Variants in TBATA observed in about 807,000 individuals in gnomAD.
TBATA encodes the protein protein TBATA.
TBATA carries 47 observed loss-of-function variants against 38.7 expected under a neutral mutation model. The ratio of observed to expected loss-of-function variants is 1.21; its 90% CI spans 0.96 to 1.55. The LOEUF is 1.55. Among genes scored for constraint, TBATA ranks in the 40% most tolerant of loss-of-function variants. The pLI, the probability that TBATA is intolerant of heterozygous loss-of-function variation, is 0.00. For synonymous variants in TBATA, 183 were observed against 170.5 expected (o/e 1.07, Z -0.57); for missense variants, 436 against 435.6 (o/e 1.00, Z -0.01).
rs747162561 is a variant in TBATA, at chr10:70,774,301, G to T, written c.832C>A (p.Pro278Thr). Residue 278 changes from proline (P) to threonine (T), a missense_variant, in exon 9 of 11, where the codon CCC (proline) becomes ACC (threonine). Transcript: ENST00000456372. Reference protein sequence around the residue: ...QTAVAQLLPQPLVSIPTEKLL... With the variant: ...QTAVAQLLPQTLVSIPTEKLL... ...TTTTCTGTAGGGATGGAGACTAGGG[G>T]CTGGGGAAGGAGCTGAGCCACTGCT... is the stretch of plus-strand genomic sequence containing the variant. The T allele has an allele frequency of 6.2e-7, 1 of 1,608,906 alleles. No individual in the cohort carries two copies. The highest frequency in any genetic ancestry group is 8.5e-7 in the Non-Finnish European group (1 of 1,178,332).
chr10:70,781,591 A>T (rs1844218273), intron 4 of TBATA, among the ~76,000 whole-genome samples: 1 of 152,144 alleles, frequency 6.6e-6, no homozygotes, highest in Non-Finnish European at 1.5e-5. Context: ...CAGTCAGGGG[A>T]ATCTGTAGGG....
intron 6 of TBATA, 61 bp downstream of exon 6, chr10:70,778,496 C>T (rs1166868475): frequency 2.6e-6 from 4 of 1,536,242 alleles, no homozygotes; most frequent in East Asian, 4.5e-5. Context: ...GAGGGATCTC[C>T]TTACACAGGG....
intron 3 of TBATA, 110 bp downstream of exon 3, chr10:70,783,229 A>T: frequency 7.9e-7 from 1 of 1,270,026 alleles, no homozygotes; most frequent in South Asian, 1.2e-5. Flanking sequence ...AGTAAGAACC[A>T]CCTCTCTTGG....
intron 5 of TBATA, among the ~76,000 whole-genome samples, chr10:70,779,211 G>A (rs761560287): frequency 3.9e-4 from 60 of 152,222 alleles, no homozygotes; most frequent in Non-Finnish European, 5.4e-4. Flanking sequence ...CCTCTGAAAC[G>A]CCAAGCCAGC....
rs998607535 is a variant in TBATA at position 70,779,628 on chromosome 10, T to A, written c.392A>T (p.Asp131Val). The A allele has an allele frequency of 4.6e-6, 7 of 1,524,100 alleles. No homozygotes were observed. The highest frequency in any genetic ancestry group is 6.1e-6 in the Non-Finnish European group (7 of 1,143,928). The allele number at this position is 1,524,100 out of a possible 1,614,324, so 94.4% of individuals were successfully genotyped here. A position where few individuals can be genotyped will look rare whatever the true frequency, so the allele number is the denominator to read the frequency against. The change falls in exon 5 of 11, where the codon GAC becomes GTC. Residue 131 changes from aspartate to valine, a missense_variant. Physicochemically the swap from Asp to Val is radical, Grantham distance 152 (BLOSUM62 -3). Transcript: ENST00000456372. ...CTGGGGGTTCCGATTAGACTGTGGG[T>A]CTCCAATGGGGACAGAGATGGTGGG... ...GIPTISVPIG[D>V]PQSNRNPQLS...
At chr10:70,782,097 G>A in intron 3 of TBATA, 61 bp from the exon 4 acceptor site, 1 of 1,534,260 alleles carries the variant, frequency 6.5e-7, no homozygotes, top group South Asian at 1.1e-5. Flanking sequence ...GCCCACCTGG[G>A]CTCAGAGCTC....
At chr10:70,781,107 G>A (rs543322127) in intron 4 of TBATA, among the ~76,000 whole-genome samples, 1 of 152,190 alleles carries the variant, frequency 6.6e-6, no homozygotes, top group Non-Finnish European at 1.5e-5. Context: ...CTTTACTCCA[G>A]CCAGACCAGC....
At position 70,781,923 on chromosome 10, in the gene TBATA, A is replaced by G. The variant is rs1301190786; in HGVS notation, c.155T>C (p.Ile52Thr). The change falls in exon 4 of 11, where the codon ATC becomes ACC. Residue 52 changes from isoleucine to threonine, a missense_variant. Transcript: ENST00000456372. ...CTTTGGGGTCCTCAATGCCCGGCGG[A>G]TCCGCTCGAAATCCACAATCCCTGG... ...VIPGIVDFER[I>T]RRALRTPKPQ... 1 of 1,614,066 alleles carries G rather than the reference A, an allele frequency of 6.2e-7. No homozygotes were observed. The highest frequency in any genetic ancestry group is 1.7e-5 in the Admixed American group (1 of 60,006).
In TBATA at chr10:70,781,969, G is replaced by T. The variant is rs73280127; in HGVS notation, c.109C>A (p.Pro37Thr). ...RKPRSPRDSG[P>T]QKELVIPGIV... The stretch of plus-strand genomic sequence containing the variant: ...CCTGGGATCACCAGTTCTTTCTGTG[G>T]CCCACTGTCCCTGGGGCTCCTTGGC... The change falls in exon 4 of 11, where the codon CCA (proline) becomes ACA (threonine). Residue 37 changes from proline to threonine, a missense_variant. Pro to Thr is a conservative substitution (Grantham distance 38, BLOSUM62 -1). Coordinates refer to ENST00000456372, the MANE Select transcript of TBATA (RefSeq NM_001318241.2). 204 of 1,614,214 alleles carry T rather than the reference G, an allele frequency of 1.3e-4. 1 individual carries two copies. The African/African-American group carries it at 2.1e-3, about 17-fold the overall frequency.
chr10:70,773,599 G>T (rs1416034811), intron 9 of TBATA, among the ~76,000 whole-genome samples: 1 of 152,144 alleles, frequency 6.6e-6, no homozygotes, highest in Non-Finnish European at 1.5e-5. Context: ...CAGCCCTTCT[G>T]CCGACCAGTC....
intron 1 of TBATA, 119 bp from the exon 2 acceptor site, chr10:70,784,892 C>G (rs57474808): frequency 7.5e-4 from 114 of 152,338 alleles, no homozygotes; most frequent in African/African-American, 2.6e-3. Flanking sequence ...GTGTGTGAAA[C>G]TAAAACAATA....
At position 70,774,224 on chromosome 10, in the gene TBATA, C is replaced by T; in HGVS notation, c.909G>A (p.Glu303=). ...EVHEPPQEKQ[E]PPCSQSPKKT... ...GGTGCGGGGCCCACCTGCAGGGTGG[C>T]TCTTGCTTCTCTTGAGGAGGTTCAT... The change falls in exon 9 of 11, where the codon GAG becomes GAA. Residue 303 remains glutamate, a synonymous_variant. Coordinates refer to ENST00000456372, the MANE Select transcript of TBATA (RefSeq NM_001318241.2). The T allele has an allele frequency of 6.2e-7, 1 of 1,612,090 alleles. No individual in the cohort carries two copies.
At chr10:70,784,246 G>T (rs1234860896) in intron 2 of TBATA, among the ~76,000 whole-genome samples, 1 of 152,160 alleles carries the variant, frequency 6.6e-6, no homozygotes, top group African/African-American at 2.4e-5. Flanking sequence ...GGCGGGGAGG[G>T]GAAGTGTGCA....
chr10:70,772,406 G>T, intron 10 of TBATA, 108 bp downstream of exon 10: 1 of 1,002,592 alleles, frequency 1.0e-6, no homozygotes, highest in Non-Finnish European at 1.6e-6. Flanking sequence ...GAAATGAGCA[G>T]CATCCTTGGG....
In TBATA at chr10:70,774,226, C is replaced by G. The variant is rs371170608; in HGVS notation, c.907G>C (p.Glu303Gln). ...EVHEPPQEKQEPPCSQSPKKT... is the reference protein window; with the variant it reads ...EVHEPPQEKQQPPCSQSPKKT... ...TGCGGGGCCCACCTGCAGGGTGGCT[C>G]TTGCTTCTCTTGAGGAGGTTCATGC... The change falls in exon 9 of 11, where the codon GAG becomes CAG. Residue 303 changes from glutamate (E) to glutamine (Q), a missense_variant. Coordinates refer to ENST00000456372, the MANE Select transcript of TBATA (RefSeq NM_001318241.2). The G allele has an allele frequency of 1.9e-6, 3 of 1,612,158 alleles. No individual in the cohort carries two copies. Among genetic ancestry groups the G allele is most frequent in the Non-Finnish European group, 2.5e-6 (3 of 1,179,630 alleles).
In TBATA at chr10:70,774,181, T is replaced by C. The variant is rs529407684; in HGVS notation, c.920+32A>G. 19 of 1,608,092 alleles carry C rather than the reference T, an allele frequency of 1.2e-5. No individual in the cohort carries two copies. In the African/African-American group the frequency reaches 2.1e-4, roughly 18 times the overall value. On this transcript the variant is annotated intron_variant, in intron 9 of 10. Coordinates refer to ENST00000456372, the MANE Select transcript of TBATA (RefSeq NM_001318241.2). The stretch of plus-strand genomic sequence containing the variant: ...GGCCTCACCTGGGAGGACAGAAGGC[T>C]GCAGAAGGGCAGGGCGGGGTGCGGG...
At chr10:70,783,256 G>T in intron 3 of TBATA, 83 bp downstream of exon 3, 1 of 1,512,746 alleles carries the variant, frequency 6.6e-7, no homozygotes, top group Non-Finnish European at 9.2e-7. Context: ...AATCTGTTGA[G>T]ATCCCCCAAG....
At chr10:70,783,251 G>T in intron 3 of TBATA, 88 bp downstream of exon 3, 1 of 1,477,690 alleles carries the variant, frequency 6.8e-7, no homozygotes, top group Non-Finnish European at 9.5e-7. Context: ...CTCCTAATCT[G>T]TTGAGATCCC....
At chr10:70,777,113 G>T (rs550284034) in intron 7 of TBATA, 40 bp downstream of exon 7, 2 of 1,599,362 alleles carry the variant, frequency 1.3e-6, no homozygotes, top group Non-Finnish European at 1.7e-6. Context: ...GACCCCTAAT[G>T]TGGAGAGCCA....
Sources: gnomAD v4.1 joint callset for allele counts (sites outside exome capture counted in the v4.1 genomes callset) on GRCh38, gnomAD v4.1.1 for gene constraint, MANE v1.5 for transcripts, NCBI Gene and HGNC (gene_info 2026-07-23, HGNC 2026-07-21) for gene names.